GRIK3: variants seen among roughly 807,000 people sequenced by gnomAD.
GRIK3 encodes glutamate ionotropic receptor kainate type subunit 3.
A neutral mutation model predicts 102.5 loss-of-function variants in GRIK3; 29 were observed. That is an observed-to-expected ratio of 0.28 (90% CI 0.21 to 0.39). The LOEUF is 0.39. GRIK3 is among the 10% of genes least tolerant of loss of function. The pLI is 1.00. For synonymous variants in GRIK3, 511 were observed against 504.9 expected, an observed-to-expected ratio of 1.01 and a Z score of -0.16; for missense variants, 908 against 1,252.4, an observed-to-expected ratio of 0.73 and a Z score of 4.15.
chr1:36,972,395 A>G (rs1557447212), intron 1 of GRIK3, among the ~76,000 whole-genome samples: 1 of 152,172 alleles, frequency 6.6e-6, no homozygotes, highest in Non-Finnish European at 1.5e-5. Flanking sequence ...GGCTCACGGC[A>G]CCCCAGCCAG....
chr1:36,880,178 A>C lies in GRIK3; in HGVS notation c.550+456T>G, dbSNP rs1640954896. Among the ~76,000 whole-genome samples, 2 of 152,198 alleles carry C rather than the reference A, an allele frequency of 1.3e-5. No homozygotes were observed. Among genetic ancestry groups the C allele is most frequent in the African/African-American group, 4.8e-5 (2 of 41,456 alleles). On this transcript the variant is annotated intron_variant, in intron 3 of 15. Coordinates refer to ENST00000373091, the MANE Select transcript of GRIK3 (RefSeq NM_000831.4). The surrounding 1 kb of genome is among the most constrained non-coding windows in gnomAD (Gnocchi z 5.4). ...AGCAGGTGATAGAGATGGGATTTAC[A>C]CCCAGGTGGTTTGGCTCCAGTGTGT...
rs1642369269 is a variant in GRIK3, at chr1:36,796,746, A to C, written c.*5105T>G. 6.6e-6 allele frequency: 1 copy of C among 152,196 alleles called. No individual in the cohort carries two copies. The highest frequency in any genetic ancestry group is 1.5e-5 in the Non-Finnish European group (1 of 68,054). 9.4% of individuals were successfully genotyped at this position (152,196 alleles called of 1,614,324 possible). On this transcript the variant is annotated 3_prime_UTR_variant, in exon 16 of 16. Coordinates refer to ENST00000373091, the MANE Select transcript of GRIK3 (RefSeq NM_000831.4). ...CTGCATGTGGGTGAGAATCAGAGGCAGAGGCTTTTGCTACCTAGAATAGCC... is the reference window on the plus strand; with the variant it reads ...CTGCATGTGGGTGAGAATCAGAGGCCGAGGCTTTTGCTACCTAGAATAGCC...
chr1:37,033,341 C>T (rs1642849068), intron 1 of GRIK3, among the ~76,000 whole-genome samples: 1 of 152,216 alleles, frequency 6.6e-6, no homozygotes, highest in Admixed American at 6.5e-5. Flanking sequence ...CGTCCCTTCC[C>T]TCTACCTGCA....
At chr1:36,967,904 A>T (rs1642096942) in intron 1 of GRIK3, among the ~76,000 whole-genome samples, 1 of 152,242 alleles carries the variant, frequency 6.6e-6, no homozygotes, top group Admixed American at 6.5e-5. Context: ...ATAATGTGAT[A>T]ATAATGACAT....
Position 36,805,182 on chromosome 1 carries a change from GTCC to G in GRIK3, c.2367_2369del (p.Glu789del), listed in dbSNP as rs1642485510. On this transcript the variant is annotated inframe_deletion, in exon 15 of 16. Transcript: ENST00000373091. ...ACTTCTCCTTCATGATATGCAGCTTGTCCTCCTCCTGAAGCTGCAGGATGGCGA... is the reference window on the plus strand; with the variant it reads ...ACTTCTCCTTCATGATATGCAGCTTGTCCTCCTGAAGCTGCAGGATGGCGA... 2.5e-6 allele frequency: 4 copies of G among 1,613,954 alleles called. No homozygotes were observed. Among genetic ancestry groups the G allele is most frequent in the Non-Finnish European group, 3.4e-6 (4 of 1,179,966 alleles).
At chr1:36,942,419 C>T (rs1009307984) in intron 1 of GRIK3, among the ~76,000 whole-genome samples, 1 of 152,224 alleles carries the variant, frequency 6.6e-6, no homozygotes, top group African/African-American at 2.4e-5. Flanking sequence ...CTGGTAAAGA[C>T]CTGCTAATTG....
chr1:36,798,287 G>C lies in GRIK3; in HGVS notation c.*3564C>G, dbSNP rs998941967. ...AACTTGGCCAGCTTGAGCAGGTGGA[G>C]AGGAGGCACTTGCATTTGGGGATGC... On this transcript the variant is annotated 3_prime_UTR_variant, in exon 16 of 16. Transcript: ENST00000373091. 2.6e-5 allele frequency: 4 copies of C among 152,344 alleles called. No individual in the cohort carries two copies. Among genetic ancestry groups the C allele is most frequent in the African/African-American group, 9.6e-5 (4 of 41,464 alleles). The allele number at this position is 152,344 out of a possible 1,614,324, so 9.4% of individuals were successfully genotyped here. A position where few individuals can be genotyped will look rare whatever the true frequency, so the allele number is the denominator to read the frequency against.
At chr1:36,892,568 G>C (rs1160414054) in intron 1 of GRIK3, among the ~76,000 whole-genome samples, 1 of 150,532 alleles carries the variant, frequency 6.6e-6, no homozygotes, top group Non-Finnish European at 1.5e-5. Context: ...TAAATGAAGA[G>C]ACATGGTGTG....
At chr1:36,996,637 G>A (rs1365639829) in intron 1 of GRIK3, among the ~76,000 whole-genome samples, 3 of 152,228 alleles carry the variant, frequency 2.0e-5, no homozygotes, top group African/African-American at 7.2e-5. Flanking sequence ...TCTTCACACA[G>A]ACAGGTGTGT....
intron 1 of GRIK3, among the ~76,000 whole-genome samples, chr1:36,957,153 G>T (rs1275078697): frequency 6.6e-6 from 1 of 152,248 alleles, no homozygotes; most frequent in Non-Finnish European, 1.5e-5. Context: ...CTGATTGGGG[G>T]CCTGTGCTCT....
chr1:37,011,033 G>GTAGGT (rs1642590798), intron 1 of GRIK3, among the ~76,000 whole-genome samples: 1 of 152,118 alleles, frequency 6.6e-6, no homozygotes, highest in African/African-American at 2.4e-5. Flanking sequence ...GAGCCACCAC[G>GTAGGT]CCCGGCCTAC....
At chr1:36,862,829 T>C (rs1161333782) in intron 5 of GRIK3, among the ~76,000 whole-genome samples, 2 of 152,222 alleles carry the variant, frequency 1.3e-5, no homozygotes, top group Admixed American at 6.5e-5. Context: ...CCTTAGAACA[T>C]GTCTGGGACA....
At chr1:36,948,953 C>T (rs1158567585) in intron 1 of GRIK3, among the ~76,000 whole-genome samples, 4 of 152,188 alleles carry the variant, frequency 2.6e-5, no homozygotes, top group East Asian at 3.9e-4. Flanking sequence ...GGGCACCAAG[C>T]GCAGCTCCTG....
In GRIK3 at chr1:36,828,073, G is replaced by GA. The variant is rs34670494; in HGVS notation, c.1531-2248dup. 9.8e-3 allele frequency among the ~76,000 whole-genome samples: 1,232 copies of GA among 125,500 alleles called. 11 individuals carry two copies. The highest frequency in any genetic ancestry group is 0.015 in the African/African-American group (523 of 35,200). 82.3% of individuals were successfully genotyped at this position (125,500 alleles called of 152,430 possible). On this transcript the variant is annotated intron_variant, in intron 10 of 15. Transcript: ENST00000373091. Reference sequence around the variant, plus strand: ...TTCAGGGTATATACAAAAGAAAGCAGAAAAAAAAAAAAAAACTCTCAGGGA... The same window carrying GA: ...TTCAGGGTATATACAAAAGAAAGCAGAAAAAAAAAAAAAAAACTCTCAGGGA...
At chr1:36,909,481 G>C (rs1316550581) in intron 1 of GRIK3, among the ~76,000 whole-genome samples, 1 of 151,948 alleles carries the variant, frequency 6.6e-6, no homozygotes, top group East Asian at 1.9e-4. Context: ...TCGTATTTTT[G>C]GTAGAGACGG....
In GRIK3 at chr1:36,946,642, C is replaced by T. The variant is rs534332746; in HGVS notation, c.116-55546G>A. 6.6e-5 allele frequency among the ~76,000 whole-genome samples: 10 copies of T among 152,328 alleles called. No homozygotes were observed. The East Asian group carries it at 7.7e-4, about 12-fold the overall frequency. ...ATACCACAAACAGTAATAATCATAGCGTCAGCCGCCACCCACACAACCCTT... is the reference window on the plus strand; with the variant it reads ...ATACCACAAACAGTAATAATCATAGTGTCAGCCGCCACCCACACAACCCTT... On this transcript the variant is annotated intron_variant, in intron 1 of 15. Coordinates refer to ENST00000373091, the MANE Select transcript of GRIK3 (RefSeq NM_000831.4).
chr1:36,916,124 A>C (rs1220829210), intron 1 of GRIK3, among the ~76,000 whole-genome samples: 7 of 152,282 alleles, frequency 4.6e-5, no homozygotes, highest in Admixed American at 3.9e-4. Context: ...TGGAAACTGG[A>C]GCAAAGCTGA....
chr1:37,017,385 AAAAAAAAAAAG>A (rs1204214946), intron 1 of GRIK3, among the ~76,000 whole-genome samples: 3 of 150,742 alleles, frequency 2.0e-5, no homozygotes, highest in African/African-American at 7.3e-5. Context: ...AAAAAAAAAA[AAAAAAAAAAAG>A]AAGAAGAAAA....
At chr1:37,031,597 A>G (rs1642828939) in intron 1 of GRIK3, among the ~76,000 whole-genome samples, 1 of 152,340 alleles carries the variant, frequency 6.6e-6, no homozygotes, top group East Asian at 1.9e-4. Context: ...AGAAGCATTC[A>G]GCTCCAAGCT....
Sources: gnomAD v4.1 joint callset for allele counts (sites outside exome capture counted in the v4.1 genomes callset) on GRCh38, gnomAD v4.1.1 for gene constraint, Gnocchi (gnomAD v3.1) non-coding constraint, MANE v1.5 for transcripts, NCBI Gene and HGNC (gene_info 2026-07-23, HGNC 2026-07-21) for gene names.